Variants in LILRB4 observed in about 807,000 individuals in gnomAD.
LILRB4 encodes leukocyte immunoglobulin like receptor B4.
Under a neutral mutation model 55.2 loss-of-function variants are expected in LILRB4, and 49 were observed. The ratio of observed to expected loss-of-function variants is 0.89; its 90% confidence interval spans 0.71 to 1.13. The LOEUF (loss-of-function observed/expected upper bound fraction) is 1.13, where lower values mean the gene tolerates loss of function less well. Ranked by LOEUF, LILRB4 falls within the 50% of genes most tolerant of loss-of-function variation. The pLI is 0.00. For missense variants in LILRB4, 590 were observed against 555.2 expected, an observed-to-expected ratio of 1.06 and a Z score of -0.63; for synonymous variants, 229 against 213.8, an observed-to-expected ratio of 1.07 and a Z score of -0.62.
rs752324885 is a variant in LILRB4 at position 54,666,287 on chromosome 19, G to C, written c.922G>C (p.Glu308Gln). ...ACGTCCTCCAGGGGCTGCCGAGCCA[G>C]AGCCCAAGGACGGGGGCCTACAGAG... The change falls in exon 8 of 12, where the codon GAG (glutamate) becomes CAG (glutamine). Residue 308 changes from glutamate to glutamine, a missense_variant. Transcript: ENST00000430952. The surrounding 1 kb of genome is among the most constrained non-coding windows in gnomAD (Gnocchi z 4.8). 3 of 1,610,046 alleles carry C rather than the reference G, an allele frequency of 1.9e-6. No homozygotes were observed. The highest frequency in any genetic ancestry group is 2.5e-6 in the Non-Finnish European group (3 of 1,177,842).
chr19:54,664,725 G>T (rs1203059281), intron 4 of LILRB4, 74 bp from the exon 5 acceptor site: 5 of 1,220,220 alleles, frequency 4.1e-6, no homozygotes, highest in Non-Finnish European at 4.6e-6. Flanking sequence ...GGCAGATATA[G>T]GGAGAGGTTC....
At chr19:54,667,302 C>T (rs891407331) in intron 10 of LILRB4, 9 of 585,798 alleles carry the variant, frequency 1.5e-5, no homozygotes, top group African/African-American at 3.7e-5. Context: ...GTCTGCTCAG[C>T]TGTCATCTGA....
Position 54,664,746 on chromosome 19 carries a change from G to A in LILRB4, c.656-53G>A, listed in dbSNP as rs377360158. The A allele has an allele frequency of 2.0e-5, 27 of 1,377,090 alleles. No individual in the cohort carries two copies. The African/African-American group carries it at 3.6e-4, about 18-fold the overall frequency. The allele number at this position is 1,377,090 out of a possible 1,614,324, so 85.3% of individuals were successfully genotyped here. A position where few individuals can be genotyped will look rare whatever the true frequency, so the allele number is the denominator to read the frequency against. On this transcript the variant is annotated intron_variant, in intron 4 of 11. Coordinates refer to ENST00000430952, the Ensembl canonical transcript of LILRB4. ...TATAGGGAGAGGTTCAATTTGATGT[G>A]GAGACCCAAGGGCAACCCCAGACTC...
At chr19:54,663,364 T>G (rs1033564043) in intron 1 of LILRB4, among the ~76,000 whole-genome samples, 168 bp from the exon 2 acceptor site, 10 of 140,824 alleles carry the variant, frequency 7.1e-5, no homozygotes, top group African/African-American at 2.1e-4. Flanking sequence ...GAGAATGGCG[T>G]GAACCCGGGA....
chr19:54,666,574 CGG>C lies in LILRB4; in HGVS notation c.989-120_989-119del. On this transcript the variant is annotated intron_variant, in intron 9 of 11. Transcript: ENST00000430952. The surrounding 1 kb of genome is among the most constrained non-coding windows in gnomAD (Gnocchi z 4.8). ...GGTCTGAACCCACATTGTGGGACCT[CGG>C]GGACATCACAGCCCCTCCCTGCGTT... is the stretch of plus-strand genomic sequence containing the variant. 7.0e-7 allele frequency: 1 copy of C among 1,423,936 alleles called. No individual in the cohort carries two copies. The highest frequency in any genetic ancestry group is 1.4e-5 in the African/African-American group (1 of 71,066). The allele number at this position is 1,423,936 out of a possible 1,614,324, so 88.2% of individuals were successfully genotyped here. A position where few individuals can be genotyped will look rare whatever the true frequency, so the allele number is the denominator to read the frequency against.
At position 54,665,002 on chromosome 19, in the gene LILRB4, T is replaced by TC. The variant is rs1450286023; in HGVS notation, c.707-125dup. 6.5e-6 allele frequency: 9 copies of TC among 1,389,226 alleles called. No individual in the cohort carries two copies. In the South Asian group the frequency reaches 8.4e-5, roughly 13 times the overall value. 86.1% of individuals were successfully genotyped at this position (1,389,226 alleles called of 1,614,324 possible). ...CAGCGACTTGGGAGGCACCACAGGC[T>TC]CCCAAGGCCCTGAGGCTGGGCTGGT... On this transcript the variant is annotated intron_variant, in intron 5 of 11. Transcript: ENST00000430952. The surrounding 1 kb of genome is among the most constrained non-coding windows in gnomAD (Gnocchi z 5.5).
rs748756660 is a variant in LILRB4 at position 54,665,770 on chromosome 19, C to T, written c.758-45C>T. ...AGTAGGTGCACACACAGTAGGTGTG[C>T]ACATCAATGACATCATCCCCATTCC... On this transcript the variant is annotated intron_variant, in intron 6 of 11. Transcript: ENST00000430952. The surrounding 1 kb of genome is among the most constrained non-coding windows in gnomAD (Gnocchi z 5.5). The T allele has an allele frequency of 3.8e-6, 6 of 1,561,326 alleles. No individual in the cohort carries two copies. The highest frequency in any genetic ancestry group is 5.2e-6 in the Non-Finnish European group (6 of 1,152,202).
intron 3 of LILRB4, 22 bp from the exon 4 acceptor site, chr19:54,664,164 A>C: frequency 6.2e-7 from 1 of 1,602,932 alleles, no homozygotes; most frequent in Non-Finnish European, 8.5e-7. Flanking sequence ...CCCATTTAAC[A>C]CGGTGCCTCC....
Position 54,663,262 on chromosome 19 carries a change from C to G in LILRB4, c.34+195C>G, listed in dbSNP as rs183232026. 4.0e-5 allele frequency among the ~76,000 whole-genome samples: 6 copies of G among 151,718 alleles called. No homozygotes were observed. In the South Asian group the frequency reaches 8.3e-4, roughly 21 times the overall value. On this transcript the variant is annotated intron_variant, in intron 1 of 11. Coordinates refer to ENST00000430952, the Ensembl canonical transcript of LILRB4. ...GAGATCGAGACCATCCTGGCTAACACGGTGAAACCCTGTCTCTACTAAAAA... is the reference window on the plus strand; with the variant it reads ...GAGATCGAGACCATCCTGGCTAACAGGGTGAAACCCTGTCTCTACTAAAAA...
At chr19:54,664,384 T>C in exon 4 of LILRB4, 1 of 1,613,988 alleles carries the variant, frequency 6.2e-7, no homozygotes, top group Middle Eastern at 1.7e-4. Context: ...ATGAGTCCTG[T>C]GACCTCAGTG....
chr19:54,666,570 A>G lies in LILRB4; in HGVS notation c.989-127A>G, dbSNP rs2146406589. 2.6e-5 allele frequency: 37 copies of G among 1,418,704 alleles called. No homozygotes were observed. The South Asian group carries it at 4.1e-4, about 16-fold the overall frequency. The allele number at this position is 1,418,704 out of a possible 1,614,324, so 87.9% of individuals were successfully genotyped here. A position where few individuals can be genotyped will look rare whatever the true frequency, so the allele number is the denominator to read the frequency against. The stretch of plus-strand genomic sequence containing the variant: ...AAGTGGTCTGAACCCACATTGTGGG[A>G]CCTCGGGGACATCACAGCCCCTCCC... On this transcript the variant is annotated intron_variant, in intron 9 of 11. Transcript: ENST00000430952. The surrounding 1 kb of genome is among the most constrained non-coding windows in gnomAD (Gnocchi z 4.8).
intron 2 of LILRB4, 25 bp from the exon 3 acceptor site, chr19:54,663,729 G>A: frequency 2.5e-6 from 4 of 1,612,712 alleles, no homozygotes; most frequent in Non-Finnish European, 3.4e-6. Flanking sequence ...AAGGTCTTGG[G>A]ATCCAGCCTC....
chr19:54,664,026 C>G, exon 3 of LILRB4: 1 of 1,613,852 alleles, frequency 6.2e-7, no homozygotes, highest in Non-Finnish European at 8.5e-7. Context: ...CCCCCTGGAG[C>G]TGGTGATGAC....
rs2065348796 is a variant in LILRB4 at position 54,667,673 on chromosome 19, T to G, written c.1077T>G (p.Tyr359Ter). 1.9e-6 allele frequency: 3 copies of G among 1,610,148 alleles called. No homozygotes were observed. The highest frequency in any genetic ancestry group is 2.5e-6 in the Non-Finnish European group (3 of 1,179,464). Residue 359 changes from tyrosine (Y) to a stop codon, truncating the protein, a stop_gained, in exon 11 of 12, where the codon TAT becomes TAG. Transcript: ENST00000430952. LOFTEE classifies it high-confidence loss of function. ...ATGAAGACCCCCAGGCAGTGACGTA[T>G]GCCAAGGTGAAACACTCCAGACCTA...
chr19:54,663,984 C>G (rs780290908), exon 3 of LILRB4: 3 of 1,613,944 alleles, frequency 1.9e-6, no homozygotes, highest in Admixed American at 1.7e-5. Flanking sequence ...CTGTTACTAT[C>G]GCAGCCCTGT....
At chr19:54,668,602 TTTAC>T (rs1320277924), downstream of LILRB4, 4 of 152,262 alleles carry the variant, frequency 2.6e-5, no homozygotes, top group Non-Finnish European at 5.9e-5. Flanking sequence ...AAAATTACAG[TTTAC>T]TTAATGAACA....
In LILRB4 at chr19:54,665,626, A is replaced by C. The variant is rs764264167; in HGVS notation, c.758-189A>C. Among the ~76,000 whole-genome samples the C allele has an allele frequency of 5.3e-5, 8 of 152,064 alleles. No individual in the cohort carries two copies. The highest frequency in any genetic ancestry group is 7.2e-5 in the African/African-American group (3 of 41,402). On this transcript the variant is annotated intron_variant, in intron 6 of 11. Transcript: ENST00000430952. The surrounding 1 kb of genome is among the most constrained non-coding windows in gnomAD (Gnocchi z 5.5). Reference sequence around the variant, plus strand: ...TGGCTGGAGGGGTCTGGGGCAGGCGATTCCCCTCTCTGAGCCTCAGTTTGT... The same window carrying C: ...TGGCTGGAGGGGTCTGGGGCAGGCGCTTCCCCTCTCTGAGCCTCAGTTTGT...
At position 54,666,035 on chromosome 19, in the gene LILRB4, G is replaced by A. The variant is rs1406422532; in HGVS notation, c.874+104G>A. 4.1e-6 allele frequency: 6 copies of A among 1,450,918 alleles called. No individual in the cohort carries two copies. The highest frequency in any genetic ancestry group is 4.7e-6 in the Non-Finnish European group (5 of 1,061,054). 89.9% of individuals were successfully genotyped at this position (1,450,918 alleles called of 1,614,324 possible). A position where few individuals can be genotyped will look rare whatever the true frequency, so the allele number is the denominator to read the frequency against. ...AGGTCATCTTAGAAACTCTGCTCCA[G>A]AAATTCCCAGTGAGAAAATCTAGAA... On this transcript the variant is annotated intron_variant, in intron 7 of 11. Coordinates refer to ENST00000430952, the Ensembl canonical transcript of LILRB4. The surrounding 1 kb of genome is among the most constrained non-coding windows in gnomAD (Gnocchi z 4.8).
Position 54,666,770 on chromosome 19 carries a change from C to T in LILRB4, c.1041+21C>T, listed in dbSNP as rs780986158. The stretch of plus-strand genomic sequence containing the variant: ...CTCGGGTGAGAACCCGCCCCTGTCC[C>T]CGGCACCAAAGGCCTCCTGGTGCCA... On this transcript the variant is annotated intron_variant, in intron 10 of 11. Transcript: ENST00000430952. The surrounding 1 kb of genome is among the most constrained non-coding windows in gnomAD (Gnocchi z 4.8). 3.1e-6 allele frequency: 5 copies of T among 1,612,880 alleles called. No homozygotes were observed. The highest frequency in any genetic ancestry group is 1.1e-5 in the South Asian group (1 of 91,032).
Sources: allele counts gnomAD v4.1 joint callset (sites outside exome capture counted in the v4.1 genomes callset), GRCh38; gene constraint gnomAD v4.1.1; non-coding constraint Gnocchi (gnomAD v3.1); transcripts MANE v1.5; gene names NCBI Gene and HGNC (gene_info 2026-07-23, HGNC 2026-07-21).